Variants in SSBP4 observed in about 807,000 individuals in gnomAD.
SSBP4 encodes single-stranded DNA-binding protein 4.
Under a neutral mutation model 64.6 loss-of-function variants are expected in SSBP4, and 33 were observed. That is an observed-to-expected ratio of 0.51 (90% confidence interval 0.39 to 0.68). The LOEUF is 0.68. Among genes scored for constraint, SSBP4 ranks in the 30% least tolerant of loss-of-function variants. The pLI is 0.00. For missense variants in SSBP4, 583 were observed against 566.8 expected (o/e 1.03, Z -0.29); for synonymous variants, 243 against 224.0 (o/e 1.08, Z -0.76).
At chr19:18,422,482 G>A (rs1972531773) in intron 1 of SSBP4, among the ~76,000 whole-genome samples, 1 of 152,190 alleles carries the variant, frequency 6.6e-6, no homozygotes, top group Non-Finnish European at 1.5e-5. Flanking sequence ...TTGGAGGTGA[G>A]GTTCCTCTAT....
the SSBP4 span, among the ~76,000 whole-genome samples, chr19:18,410,025 G>T: frequency 6.6e-6 from 1 of 152,148 alleles, no homozygotes; most frequent in Non-Finnish European, 1.5e-5. Flanking sequence ...ACGGAGTCTC[G>T]CTCTGTCGCC....
At chr19:18,420,071 GC>G (rs892256584) in intron 1 of SSBP4, 4 of 154,084 alleles carry the variant, frequency 2.6e-5, no homozygotes, top group African/African-American at 9.6e-5. Flanking sequence ...CTCGGGGGTC[GC>G]GAGGCCTCCT....
upstream of SSBP4, among the ~76,000 whole-genome samples, chr19:18,416,183 T>G (rs1210406516): frequency 6.6e-6 from 1 of 152,024 alleles, no homozygotes; most frequent in African/African-American, 2.4e-5. Context: ...CCCAGCTAAT[T>G]TTTGTGTTTT....
rs530388307 is a variant in SSBP4, at chr19:18,434,317, T to A, written c.*71T>A. The A allele has an allele frequency of 8.9e-6, 14 of 1,581,514 alleles. No individual in the cohort carries two copies. The Admixed American group carries it at 1.4e-4, about 16-fold the overall frequency. On this transcript the variant is annotated 3_prime_UTR_variant, in exon 18 of 18. Coordinates refer to ENST00000270061, the MANE Select transcript of SSBP4 (RefSeq NM_032627.5). The stretch of plus-strand genomic sequence containing the variant: ...AGCGCCCCTGCTCAGGGCGAGGGGC[T>A]GAGGTCACACCTCGGGCACCTGGAC...
chr19:18,419,631 G>A lies in SSBP4; in HGVS notation c.-18G>A. The A allele has an allele frequency of 7.9e-7, 1 of 1,266,080 alleles. No homozygotes were observed. The highest frequency in any genetic ancestry group is 2.0e-5 in the South Asian group (1 of 48,948). The allele number at this position is 1,266,080 out of a possible 1,614,324, so 78.4% of individuals were successfully genotyped here. A position where few individuals can be genotyped will look rare whatever the true frequency, so the allele number is the denominator to read the frequency against. ...CGCCTGACAGGTGTGGGCCCCGGCG[G>A]CGGCGGCGTGGAGCAGCATGTACGC... On this transcript the variant is annotated 5_prime_UTR_variant, in exon 1 of 18. Coordinates refer to ENST00000270061, the MANE Select transcript of SSBP4 (RefSeq NM_032627.5).
the SSBP4 span, among the ~76,000 whole-genome samples, chr19:18,406,879 G>A: frequency 1.3e-5 from 2 of 152,050 alleles, no homozygotes; most frequent in African/African-American, 4.8e-5. Flanking sequence ...CGGCTGGAAG[G>A]TGGACTGACA....
intron 15 of SSBP4, 54 bp downstream of exon 15, chr19:18,433,267 C>T (rs1206589217): frequency 2.0e-6 from 3 of 1,528,926 alleles, no homozygotes; most frequent in East Asian, 2.5e-5. Context: ...CGTGCGCTCC[C>T]TGGCTGCTTC....
At position 18,429,693 on chromosome 19, in the gene SSBP4, C is replaced by T. The variant is rs1973189093; in HGVS notation, c.280-1148C>T. Among the ~76,000 whole-genome samples the T allele has an allele frequency of 2.6e-5, 4 of 152,032 alleles. No individual in the cohort carries two copies. In the South Asian group the frequency reaches 8.3e-4, roughly 32 times the overall value. ...GGTGGGGGCCAGAGCCCAGAGGGGA[C>T]CTGGAAGTTTGGAACTGAGAAAGTG... On this transcript the variant is annotated intron_variant, in intron 4 of 17. Transcript: ENST00000270061.
At chr19:18,425,623 G>A (rs2144721683) in intron 1 of SSBP4, among the ~76,000 whole-genome samples, 1 of 152,310 alleles carries the variant, frequency 6.6e-6, no homozygotes, top group East Asian at 1.9e-4. Flanking sequence ...GGAAAGTGGA[G>A]GAAGAGCAGG....
chr19:18,405,734 C>T, the SSBP4 span, among the ~76,000 whole-genome samples: 1 of 152,090 alleles, frequency 6.6e-6, no homozygotes, highest in Non-Finnish European at 1.5e-5. Flanking sequence ...TGCCTGTAAT[C>T]CCAGCACTTT....
intron 4 of SSBP4, among the ~76,000 whole-genome samples, chr19:18,430,288 C>T (rs887539720): frequency 5.3e-5 from 8 of 152,292 alleles, no homozygotes; most frequent in Middle Eastern, 3.4e-3. Flanking sequence ...ACTTGGTCCC[C>T]GGCCAGGTCT....
rs1972565233 is a variant in SSBP4, at chr19:18,423,010, C to A, written c.59+3303C>A. ...TCGGCCAGCTGGCTCCAGAAAGGGA[C>A]CGAGCACCTGGTGGGTGCCTGCCCT... On this transcript the variant is annotated intron_variant, in intron 1 of 17. Coordinates refer to ENST00000270061, the MANE Select transcript of SSBP4 (RefSeq NM_032627.5). This position sits in a 1 kb window ranked among gnomAD's most constrained non-coding sequence, Gnocchi z 4.0. Among the ~76,000 whole-genome samples, 1 of 152,258 alleles carries A rather than the reference C, an allele frequency of 6.6e-6. No individual in the cohort carries two copies. Among genetic ancestry groups the A allele is most frequent in the Non-Finnish European group, 1.5e-5 (1 of 68,052 alleles).
chr19:18,434,289 C>T lies in SSBP4; in HGVS notation c.*43C>T. On this transcript the variant is annotated 3_prime_UTR_variant, in exon 18 of 18. Transcript: ENST00000270061. ...GCCTCTCTGCGGGCCTAGGCTTCTG[C>T]CCAGCGCCCCTGCTCAGGGCGAGGG... is the stretch of plus-strand genomic sequence containing the variant. 1 of 1,607,188 alleles carries T rather than the reference C, an allele frequency of 6.2e-7. No homozygotes were observed. Among genetic ancestry groups the T allele is most frequent in the Non-Finnish European group, 8.5e-7 (1 of 1,177,378 alleles).
At chr19:18,419,272 C>A (rs1009112598), upstream of SSBP4, 9 of 995,372 alleles carry the variant, frequency 9.0e-6, no homozygotes, top group Non-Finnish European at 9.6e-6. Flanking sequence ...GCGGCGGGCA[C>A]TGCGCGTGCG....
At chr19:18,419,237 G>C, upstream of SSBP4, 3 of 989,322 alleles carry the variant, frequency 3.0e-6, no homozygotes, top group Non-Finnish European at 3.6e-6. Context: ...TGACCCGCGA[G>C]TGTGTAGCCG....
upstream of SSBP4, chr19:18,419,109 G>T: frequency 1.0e-6 from 1 of 985,644 alleles, no homozygotes; most frequent in Non-Finnish European, 1.2e-6. Context: ...GAATGTGTGT[G>T]GCTGGGTGTA....
chr19:18,429,338 G>A (rs1973141205), intron 4 of SSBP4, among the ~76,000 whole-genome samples: 1 of 152,028 alleles, frequency 6.6e-6, no homozygotes, highest in South Asian at 2.1e-4. Context: ...CCATGGCAAC[G>A]CGGGCCGGGC....
intron 4 of SSBP4, among the ~76,000 whole-genome samples, chr19:18,430,178 T>C (rs11673604): frequency 0.47 from 71,775 of 151,974 alleles, 19,466 homozygotes; most frequent in African/African-American, 0.76. Flanking sequence ...CCAGACGTGT[T>C]CCTCTGCCCT....
chr19:18,413,147 G>GTTT, the SSBP4 span, among the ~76,000 whole-genome samples: 18 of 114,526 alleles, frequency 1.6e-4, no homozygotes, highest in East Asian at 2.5e-4. Context: ...TTTGGTTTGG[G>GTTT]TTTTTTTTTT....
Sources: gnomAD v4.1 joint callset for allele counts (sites outside exome capture counted in the v4.1 genomes callset) on GRCh38, gnomAD v4.1.1 for gene constraint, Gnocchi (gnomAD v3.1) non-coding constraint, MANE v1.5 for transcripts, NCBI Gene and HGNC (gene_info 2026-07-23, HGNC 2026-07-21) for gene names.